The following SLC48A1 variants were observed in gnomAD, a reference collection of about 807,000 sequenced individuals.
The protein encoded by SLC48A1 is heme transporter HRG1.
A neutral mutation model predicts 14.8 loss-of-function variants in SLC48A1; 6 were observed. That is an observed-to-expected ratio of 0.41 (90% CI 0.22 to 0.80). SLC48A1 has a LOEUF of 0.80. SLC48A1 is among the 30% of genes least tolerant of loss of function. The pLI is 0.34. For synonymous variants in SLC48A1, 89 were observed against 90.0 expected (o/e 0.99, Z 0.06); for missense variants, 165 against 204.8 (o/e 0.81, Z 1.19).
upstream of SLC48A1, chr12:47,769,767 G>C (rs1942590811): frequency 6.7e-6 from 1 of 148,474 alleles, no homozygotes; most frequent in African/African-American, 2.4e-5. Context: ...CAGATGGAGG[G>C]ACAGGAGTCC....
chr12:47,778,116 G>A (rs1942789637), intron 1 of SLC48A1, among the ~76,000 whole-genome samples: 1 of 152,212 alleles, frequency 6.6e-6, no homozygotes, highest in Non-Finnish European at 1.5e-5. Context: ...CAATGGAGTT[G>A]ATATTTGTTC....
chr12:47,763,093 T>G (rs1021870717), intron 2 of SLC48A1, among the ~76,000 whole-genome samples: 3 of 152,174 alleles, frequency 2.0e-5, no homozygotes, highest in Non-Finnish European at 4.4e-5. Flanking sequence ...ACAGGAACAG[T>G]GGGCAGTCAG....
rs544054502 is a variant in SLC48A1, at chr12:47,782,256, G to A, written c.*1975G>A. The A allele has an allele frequency of 3.0e-4, 45 of 152,352 alleles. 1 individual carries two copies. Among genetic ancestry groups the A allele is most frequent in the Admixed American group, 1.8e-3 (27 of 15,300 alleles). 9.4% of individuals were successfully genotyped at this position (152,352 alleles called of 1,614,324 possible). On this transcript the variant is annotated 3_prime_UTR_variant, in exon 3 of 3. Coordinates refer to ENST00000442218, the MANE Select transcript of SLC48A1 (RefSeq NM_017842.3). ...TTAATCAGGCATGGTGCATCAGAGC[G>A]GGAAGGAGCCATCAACAGTGTATAC...
Position 47,780,532 on chromosome 12 carries a change from C to A in SLC48A1, c.*251C>A. ...GCCAGAGGGCAGCTTTAGACCTTTT[C>A]AAATGAATCTGTTTTCTTTTCTTTC... is the stretch of plus-strand genomic sequence containing the variant. On this transcript the variant is annotated 3_prime_UTR_variant, in exon 3 of 3. Transcript: ENST00000442218. 21 of 720,846 alleles carry A rather than the reference C, an allele frequency of 2.9e-5. No individual in the cohort carries two copies. Among genetic ancestry groups the A allele is most frequent in the East Asian group, 1.1e-4 (4 of 35,424 alleles). 44.7% of individuals were successfully genotyped at this position (720,846 alleles called of 1,614,324 possible).
chr12:47,773,271 C>T lies in SLC48A1; in HGVS notation c.-34C>T, dbSNP rs1286010679. On this transcript the variant is annotated 5_prime_UTR_variant, in exon 1 of 3. Coordinates refer to ENST00000442218, the MANE Select transcript of SLC48A1 (RefSeq NM_017842.3). Reference sequence around the variant, plus strand: ...GCCCTGCACCTGTGACTCTCGGCCGCGCTCGCCCTCGGCCCGCCCGGCGCC... The same window carrying T: ...GCCCTGCACCTGTGACTCTCGGCCGTGCTCGCCCTCGGCCCGCCCGGCGCC... 3.0e-6 allele frequency: 4 copies of T among 1,339,760 alleles called. No individual in the cohort carries two copies. The highest frequency in any genetic ancestry group is 6.9e-5 in the Admixed American group (2 of 29,056). 83.0% of individuals were successfully genotyped at this position (1,339,760 alleles called of 1,614,324 possible).
chr12:47,765,533 A>C (rs1294167530), intron 2 of SLC48A1, among the ~76,000 whole-genome samples: 2 of 152,232 alleles, frequency 1.3e-5, no homozygotes, highest in African/African-American at 4.8e-5. Flanking sequence ...GTTCTCCCCA[A>C]GCCCAGCCTC....
At chr12:47,772,773 C>CTTTA (rs1942654390), upstream of SLC48A1, among the ~76,000 whole-genome samples, 1 of 152,020 alleles carries the variant, frequency 6.6e-6, no homozygotes, top group African/African-American at 2.4e-5. Context: ...GGTTCCCAGA[C>CTTTA]TTTAGTGTGT....
chr12:47,776,766 G>A (rs1266417192), intron 1 of SLC48A1, among the ~76,000 whole-genome samples: 1 of 152,196 alleles, frequency 6.6e-6, no homozygotes, highest in Admixed American at 6.5e-5. Flanking sequence ...GCATGTACAT[G>A]GGGGTGGGAG....
At chr12:47,759,322 G>A (rs140014769) in intron 1 of SLC48A1, among the ~76,000 whole-genome samples, 3 of 152,228 alleles carry the variant, frequency 2.0e-5, no homozygotes, top group Non-Finnish European at 4.4e-5. Context: ...GTCTCCAGCC[G>A]CCCGGGGGAG....
Position 47,762,313 on chromosome 12 carries a change from G to A in SLC48A1, c.-187+1912G>A, listed in dbSNP as rs542405221. The stretch of plus-strand genomic sequence containing the variant: ...CTCTTTGCTGAGCTCTACACAAGGT[G>A]AGCCCATAGTTTCCTGGGTCTTCAC... On this transcript the variant is annotated intron_variant, in intron 2 of 4. Transcript: ENST00000547002. Among the ~76,000 whole-genome samples, 14 of 152,250 alleles carry A rather than the reference G, an allele frequency of 9.2e-5. No homozygotes were observed. In the South Asian group the frequency reaches 2.9e-3, roughly 32 times the overall value.
At chr12:47,757,407 C>T (rs1452066299), upstream of SLC48A1, among the ~76,000 whole-genome samples, 2 of 152,108 alleles carry the variant, frequency 1.3e-5, no homozygotes, top group African/African-American at 2.4e-5. Flanking sequence ...ACATGATCAC[C>T]TCACCCTAAG....
rs4760653 is a variant in SLC48A1, at chr12:47,782,008, T to C, written c.*1727T>C. On this transcript the variant is annotated 3_prime_UTR_variant, in exon 3 of 3. Coordinates refer to ENST00000442218, the MANE Select transcript of SLC48A1 (RefSeq NM_017842.3). ...TCCACACCCGAGAGGCCAGGCCAGATGGGAAAGGGATTAGCGCCTCTTCCC... is the reference window on the plus strand; with the variant it reads ...TCCACACCCGAGAGGCCAGGCCAGACGGGAAAGGGATTAGCGCCTCTTCCC... The C allele has an allele frequency of 0.14, 21,931 of 152,378 alleles. 1,926 individuals are homozygous for C. The highest frequency in any genetic ancestry group is 0.43 in the East Asian group (2,217 of 5,174). 9.4% of individuals were successfully genotyped at this position (152,378 alleles called of 1,614,324 possible).
intron 1 of SLC48A1, among the ~76,000 whole-genome samples, chr12:47,778,157 C>G (rs1386765342): frequency 2.6e-5 from 4 of 152,234 alleles, no homozygotes; most frequent in African/African-American, 9.7e-5. Context: ...CAGGCACTGC[C>G]TGGCACAGAG....
upstream of SLC48A1, chr12:47,758,421 C>G (rs144542618): frequency 2.3e-5 from 36 of 1,542,218 alleles, no homozygotes; most frequent in Middle Eastern, 1.8e-4. Context: ...AATGCAGCTT[C>G]GGCTTAAACC....
rs1455945856 is a variant in SLC48A1, at chr12:47,781,087, C to T, written c.*806C>T. 2.9e-6 allele frequency: 1 copy of T among 347,494 alleles called. No homozygotes were observed. The highest frequency in any genetic ancestry group is 5.7e-6 in the Non-Finnish European group (1 of 175,990). The allele number at this position is 347,494 out of a possible 1,614,324, so 21.5% of individuals were successfully genotyped here. ...GAGACCTCTTAAACCCCCATCCCAG[C>T]ACCCCATCCTGTTGTTCCCAGAGCT... On this transcript the variant is annotated 3_prime_UTR_variant, in exon 3 of 3. Transcript: ENST00000442218.
At chr12:47,763,083 A>G (rs1057068900) in intron 2 of SLC48A1, among the ~76,000 whole-genome samples, 2 of 152,238 alleles carry the variant, frequency 1.3e-5, no homozygotes, top group Non-Finnish European at 2.9e-5. Flanking sequence ...AATGAAATGA[A>G]CAGGAACAGT....
rs1375096060 is a variant in SLC48A1, at chr12:47,781,230, G to C, written c.*949G>C. On this transcript the variant is annotated 3_prime_UTR_variant, in exon 3 of 3. Coordinates refer to ENST00000442218, the MANE Select transcript of SLC48A1 (RefSeq NM_017842.3). Reference sequence around the variant, plus strand: ...CAAATGAGGCCAGACTCAGGGTCACGGGGAATGTGCTTCTGCCCCTGTAAG... The same window carrying C: ...CAAATGAGGCCAGACTCAGGGTCACCGGGAATGTGCTTCTGCCCCTGTAAG... The C allele has an allele frequency of 4.5e-6, 1 of 220,166 alleles. No homozygotes were observed. The highest frequency in any genetic ancestry group is 2.4e-5 in the African/African-American group (1 of 42,290). 13.6% of individuals were successfully genotyped at this position (220,166 alleles called of 1,614,324 possible). A position where few individuals can be genotyped will look rare whatever the true frequency, so the allele number is the denominator to read the frequency against.
At position 47,762,128 on chromosome 12, in the gene SLC48A1, G is replaced by A. The variant is rs1222488685; in HGVS notation, c.-187+1727G>A. The stretch of plus-strand genomic sequence containing the variant: ...CAGGACCCCTTAATACACTCTACTC[G>A]GACAATGAGCTCCTGCCAGAGCATG... On this transcript the variant is annotated intron_variant, in intron 2 of 4. Transcript: ENST00000547002. Among the ~76,000 whole-genome samples the A allele has an allele frequency of 6.6e-5, 10 of 152,202 alleles. No homozygotes were observed. The East Asian group carries it at 1.4e-3, about 21-fold the overall frequency.
chr12:47,764,908 C>T (rs113120803), intron 2 of SLC48A1, among the ~76,000 whole-genome samples: 17,786 of 151,726 alleles, frequency 0.12, 1,326 homozygotes, highest in Non-Finnish European at 0.17. Flanking sequence ...GAAACCCCAT[C>T]TCTACTACAG....
Sources: allele counts gnomAD v4.1 joint callset (sites outside exome capture counted in the v4.1 genomes callset), GRCh38; gene constraint gnomAD v4.1.1; transcripts MANE v1.5; gene names NCBI Gene and HGNC (gene_info 2026-07-23, HGNC 2026-07-21).